The following ARIH2 variants were observed in gnomAD, a reference collection of about 807,000 sequenced individuals.
The protein encoded by ARIH2 is ariadne RBR E3 ubiquitin protein ligase 2.
In ARIH2, 12 loss-of-function variants were observed where a neutral mutation model predicts 79.8. That is an observed-to-expected ratio of 0.15 (90% CI 0.10 to 0.24). The LOEUF is 0.24. Ranked by LOEUF, ARIH2 falls within the 10% of genes least tolerant of loss-of-function variation. ARIH2 has a pLI of 1.00. For synonymous variants in ARIH2, 224 were observed against 213.9 expected (o/e 1.05, Z -0.41); for missense variants, 301 against 618.3 (o/e 0.49, Z 5.44).
chr3:48,935,762 G>A (rs775974377), intron 3 of ARIH2, among the ~76,000 whole-genome samples: 6 of 152,150 alleles, frequency 3.9e-5, no homozygotes, highest in Non-Finnish European at 7.3e-5. Flanking sequence ...TAGAAGCGGG[G>A]CAAAAGTGGA....
rs979466307 is a variant in ARIH2, at chr3:48,985,337, C to T, written c.*2067C>T. On this transcript the variant is annotated 3_prime_UTR_variant, in exon 16 of 16. Coordinates refer to ENST00000356401, the MANE Select transcript of ARIH2 (RefSeq NM_006321.4). Reference sequence around the variant, plus strand: ...CCCCTCCTGTGCCCTCAGTGGCTGTCGTTTGTTAACATCATCAGGAAGATG... The same window carrying T: ...CCCCTCCTGTGCCCTCAGTGGCTGTTGTTTGTTAACATCATCAGGAAGATG... 5 of 151,956 alleles carry T rather than the reference C, an allele frequency of 3.3e-5. No homozygotes were observed. The highest frequency in any genetic ancestry group is 5.9e-5 in the Non-Finnish European group (4 of 67,998). 9.4% of individuals were successfully genotyped at this position (151,956 alleles called of 1,614,324 possible).
At chr3:48,923,443 C>G (rs1449814458) in intron 2 of ARIH2, among the ~76,000 whole-genome samples, 2 of 149,532 alleles carry the variant, frequency 1.3e-5, no homozygotes, top group African/African-American at 4.9e-5. Context: ...TTTTATTGCC[C>G]CACAATTAAT....
chr3:48,936,031 G>A (rs2087061631), intron 3 of ARIH2, among the ~76,000 whole-genome samples: 1 of 152,192 alleles, frequency 6.6e-6, no homozygotes, highest in African/African-American at 2.4e-5. Flanking sequence ...TTGGAGCCGG[G>A]AAAAAGATAC....
intron 1 of ARIH2, chr3:48,922,245 G>T (rs1053247953): frequency 6.6e-6 from 1 of 151,744 alleles, no homozygotes; most frequent in Non-Finnish European, 1.5e-5. Context: ...AAAAAGAAGT[G>T]GTCTTTCAAA....
chr3:48,937,872 G>A (rs539634759), intron 3 of ARIH2, among the ~76,000 whole-genome samples: 7 of 151,936 alleles, frequency 4.6e-5, no homozygotes, highest in Middle Eastern at 3.4e-3. Context: ...ACAATGAAAC[G>A]CCGTCTCTAC....
intron 3 of ARIH2, chr3:48,945,098 C>T: frequency 1.6e-6 from 2 of 1,288,642 alleles, no homozygotes; most frequent in Non-Finnish European, 2.0e-6. Flanking sequence ...AGTAAGAATT[C>T]TAAATAAAAA....
chr3:48,968,630 G>T lies in ARIH2; in HGVS notation c.635G>T (p.Arg212Leu). Residue 212 changes from arginine (R) to leucine (L), a missense_variant, in exon 7 of 16, where the codon CGC becomes CTC. By Grantham distance (102) the Arg-to-Leu change is moderately radical. Transcript: ENST00000356401. ...PNEELREKYR[R>L]YLFRDYVESH... ...GAAGAATTGAGAGAGAAATACAGGC[G>T]CTACCTCTTCAGGGACTATGTGGAG... 2 of 1,610,656 alleles carry T rather than the reference G, an allele frequency of 1.2e-6. No homozygotes were observed. Among genetic ancestry groups the T allele is most frequent in the Non-Finnish European group, 1.7e-6 (2 of 1,177,578 alleles).
At position 48,976,967 on chromosome 3, in the gene ARIH2, G is replaced by A. The variant is rs182513323; in HGVS notation, c.961+1988G>A. Among the ~76,000 whole-genome samples, 64 of 151,866 alleles carry A rather than the reference G, an allele frequency of 4.2e-4. No homozygotes were observed. In the South Asian group the frequency reaches 6.7e-3, roughly 16 times the overall value. ...TGTAATCCCAGCACTTTGGGAGGCC[G>A]AGGTGGGCGGATCATGAGGTCAGGA... On this transcript the variant is annotated intron_variant, in intron 11 of 15. Transcript: ENST00000356401.
chr3:48,970,838 G>A (rs2092181711), intron 8 of ARIH2, 134 bp downstream of exon 8: 1 of 635,548 alleles, frequency 1.6e-6, no homozygotes, highest in Admixed American at 2.6e-5. Flanking sequence ...TGTGCTCCAA[G>A]TGGGTAGGTT....
intron 1 of ARIH2, among the ~76,000 whole-genome samples, chr3:48,921,326 C>T: frequency 7.6e-6 from 1 of 132,226 alleles, no homozygotes; most frequent in Non-Finnish European, 1.6e-5. Context: ...AAATCTGCAC[C>T]TAGAACATTT....
chr3:48,965,026 G>A, intron 5 of ARIH2, 44 bp downstream of exon 5: 7 of 1,581,288 alleles, frequency 4.4e-6, no homozygotes, highest in African/African-American at 1.3e-5. Context: ...AATTGCATGT[G>A]GTTCTTGCTT....
chr3:48,926,408 C>G (rs1174282656), intron 2 of ARIH2, among the ~76,000 whole-genome samples: 1 of 152,010 alleles, frequency 6.6e-6, no homozygotes, highest in Non-Finnish European at 1.5e-5. Flanking sequence ...GCTGGGATTA[C>G]AGGTGCCTGT....
chr3:48,965,677 C>T (rs2091718485), intron 5 of ARIH2, among the ~76,000 whole-genome samples: 1 of 151,992 alleles, frequency 6.6e-6, no homozygotes, highest in African/African-American at 2.4e-5. Context: ...AGACCCCAGT[C>T]CGGCCAGGCA....
At chr3:48,967,424 A>C (rs2091876414) in intron 6 of ARIH2, 149 bp downstream of exon 6, 1 of 858,308 alleles carries the variant, frequency 1.2e-6, no homozygotes, top group Non-Finnish European at 1.7e-6. Flanking sequence ...ATACATCCAT[A>C]CAAACAGTGA....
intron 12 of ARIH2, 165 bp from the exon 13 acceptor site, chr3:48,980,188 G>A (rs749307495): frequency 1.5e-5 from 10 of 678,054 alleles, no homozygotes; most frequent in Non-Finnish European, 2.5e-5. Context: ...GCTCTGGACA[G>A]GTTAGAAGGA....
chr3:48,968,298 C>T (rs1024510888), intron 6 of ARIH2: 8 of 325,136 alleles, frequency 2.5e-5, no homozygotes, highest in Non-Finnish European at 4.8e-5. Context: ...AGCTCCGCCT[C>T]CCGGGTTCAC....
rs146631544 is a variant in ARIH2 at position 48,931,738 on chromosome 3, C to T, written c.255+3925C>T. Among the ~76,000 whole-genome samples the T allele has an allele frequency of 7.2e-3, 1,102 of 152,076 alleles. 10 individuals carry two copies. The highest frequency in any genetic ancestry group is 0.025 in the African/African-American group (1,049 of 41,476). ...AAGTAGAAAAATCACAATTTTCAGCCGGGTGCGGTGGCTCACGCCTGTAAT... is the reference window on the plus strand; with the variant it reads ...AAGTAGAAAAATCACAATTTTCAGCTGGGTGCGGTGGCTCACGCCTGTAAT... On this transcript the variant is annotated intron_variant, in intron 3 of 15. Transcript: ENST00000356401.
At chr3:48,927,877 A>G in intron 3 of ARIH2, 64 bp downstream of exon 3, 2 of 1,571,198 alleles carry the variant, frequency 1.3e-6, no homozygotes, top group Non-Finnish European at 1.7e-6. Flanking sequence ...AGCTGTTGTT[A>G]ATTAATGTCT....
intron 8 of ARIH2, among the ~76,000 whole-genome samples, chr3:48,971,165 G>A (rs886850680): frequency 2.0e-5 from 3 of 152,142 alleles, no homozygotes; most frequent in East Asian, 1.9e-4. Context: ...AAAGTTTACC[G>A]AAGGCTTACC....
Sources: gnomAD v4.1 joint callset for allele counts (sites outside exome capture counted in the v4.1 genomes callset) on GRCh38, gnomAD v4.1.1 for gene constraint, MANE v1.5 for transcripts, NCBI Gene and HGNC (gene_info 2026-07-23, HGNC 2026-07-21) for gene names.